KLHL22: variants seen among roughly 807,000 people sequenced by gnomAD.
KLHL22 encodes the protein kelch like family member 22.
In KLHL22, 18 loss-of-function variants were observed where a neutral mutation model predicts 60.7. The ratio of observed to expected loss-of-function variants is 0.30; its 90% CI spans 0.20 to 0.44. The LOEUF is 0.44. Ranked by LOEUF, KLHL22 falls within the 20% of genes least tolerant of loss-of-function variation. KLHL22 has a pLI of 1.00. For missense variants in KLHL22, 596 were observed against 852.3 expected (o/e 0.70, Z 3.74); for synonymous variants, 355 against 354.5 (o/e 1.00, Z -0.01).
At chr22:20,471,626 G>A (rs1420787477) in intron 2 of KLHL22, 111 bp from the exon 3 acceptor site, 1 of 1,146,362 alleles carries the variant, frequency 8.7e-7, no homozygotes, top group East Asian at 2.4e-5. Context: ...CAGGGCCCTG[G>A]TAGTGGGCTG....
chr22:20,466,689 T>G (rs1190398531), intron 3 of KLHL22, among the ~76,000 whole-genome samples: 1 of 152,184 alleles, frequency 6.6e-6, no homozygotes, highest in Non-Finnish European at 1.5e-5. Context: ...TGAGACAGGG[T>G]CTTGCTCTGT....
At chr22:20,456,234 C>T (rs2053060629) in intron 5 of KLHL22, 1 of 152,208 alleles carries the variant, frequency 6.6e-6, no homozygotes, top group African/African-American at 2.4e-5. Flanking sequence ...ATTGTAACCA[C>T]TTTACTGATC....
chr22:20,450,944 G>A (rs754441956), intron 5 of KLHL22: 489 of 1,609,938 alleles, frequency 3.0e-4, no homozygotes, highest in Admixed American at 7.3e-4. Flanking sequence ...ACAAGGGCTC[G>A]CCTAGGAGCC....
At chr22:20,483,389 G>A (rs961276917) in intron 2 of KLHL22, 3 of 808,360 alleles carry the variant, frequency 3.7e-6, no homozygotes, top group African/African-American at 3.4e-5. Flanking sequence ...TGAGATTTGG[G>A]GGCATCTACC....
chr22:20,442,464 C>T (rs771061278), intron 6 of KLHL22, 26 bp from the exon 7 acceptor site: 1 of 1,537,656 alleles, frequency 6.5e-7, no homozygotes, highest in Non-Finnish European at 8.8e-7. Context: ...TAGAATAAAG[C>T]CCAGCACCCA....
rs764677279 is a variant in KLHL22 at position 20,446,640 on chromosome 22, T to A, written c.1342A>T (p.Met448Leu). 1 of 1,613,074 alleles carries A rather than the reference T, an allele frequency of 6.2e-7. No individual in the cohort carries two copies. The highest frequency in any genetic ancestry group is 1.1e-5 in the South Asian group (1 of 91,088). ...CCTCTGCGGCCGCAGGTGATATACA[T>A]CTTCCCCTCCAGCGTCGCGCCTGCG... is the stretch of plus-strand genomic sequence containing the variant. Reference protein sequence around the residue: ...AHAGATLEGKMYITCGRRGED... With the variant: ...AHAGATLEGKLYITCGRRGED... The change falls in exon 6 of 7, where the codon ATG becomes TTG. Residue 448 changes from methionine (M) to leucine (L), a missense_variant. Physicochemically the swap from Met to Leu is conservative, Grantham distance 15 (BLOSUM62 2). Coordinates refer to ENST00000328879, the MANE Select transcript of KLHL22 (RefSeq NM_032775.4).
intron 5 of KLHL22, among the ~76,000 whole-genome samples, chr22:20,454,717 A>G (rs1004225985): frequency 3.3e-5 from 5 of 152,220 alleles, no homozygotes; most frequent in Admixed American, 2.0e-4. Context: ...CTGTATTAAT[A>G]TATGTATTAT....
At chr22:20,486,028 C>T (rs1198708557) in intron 2 of KLHL22, among the ~76,000 whole-genome samples, 6 of 143,806 alleles carry the variant, frequency 4.2e-5, no homozygotes, top group Non-Finnish European at 7.5e-5. Flanking sequence ...ATTAGCCGGG[C>T]GTGGTGGCGC....
chr22:20,490,215 AAT>A lies in KLHL22; in HGVS notation c.-33-973_-33-972del, dbSNP rs1298747842. 2.0e-5 allele frequency among the ~76,000 whole-genome samples: 3 copies of A among 152,254 alleles called. No individual in the cohort carries two copies. The South Asian group carries it at 6.2e-4, about 32-fold the overall frequency. On this transcript the variant is annotated intron_variant, in intron 1 of 6. Transcript: ENST00000328879. ...CTTCATCCTACTTTCCTCTCCCCAAAATATGTTTATTCTCCAATTACCTCCAG... is the reference window on the plus strand; with the variant it reads ...CTTCATCCTACTTTCCTCTCCCCAAAATGTTTATTCTCCAATTACCTCCAG...
chr22:20,448,931 A>T lies in KLHL22; in HGVS notation c.1306-2255T>A, dbSNP rs539134115. On this transcript the variant is annotated intron_variant, in intron 5 of 6. Transcript: ENST00000328879. ...GAGGTAGTTCTCTCACTGTGGCTTT[A>T]ATTTGCATTTCCCTGATAGCTAATA... Among the ~76,000 whole-genome samples, 18 of 152,220 alleles carry T rather than the reference A, an allele frequency of 1.2e-4. 1 individual carries two copies. The East Asian group carries it at 3.5e-3, about 29-fold the overall frequency.
chr22:20,459,106 AG>A (rs2053114146), intron 4 of KLHL22, among the ~76,000 whole-genome samples: 1 of 152,246 alleles, frequency 6.6e-6, no homozygotes, highest in South Asian at 2.1e-4. Flanking sequence ...GCTCAAAGCC[AG>A]TATCTGAAGT....
At position 20,471,458 on chromosome 22, in the gene KLHL22, AC is replaced by A; in HGVS notation, c.284del (p.Gly95ValfsTer23). 6.2e-7 allele frequency: 1 copy of A among 1,614,184 alleles called. No individual in the cohort carries two copies. The highest frequency in any genetic ancestry group is 8.5e-7 in the Non-Finnish European group (1 of 1,180,022). ...EMEQEEVLIH[G>X]VSYNAMCQIL... Reference sequence around the variant, plus strand: ...TTTGGCACATAGCATTGTAGGACACACCGTGGATCAGGACCTCTTCCTGTTC... The same window carrying A: ...TTTGGCACATAGCATTGTAGGACACACGTGGATCAGGACCTCTTCCTGTTC... On this transcript the variant is annotated frameshift_variant, in exon 3 of 7. Coordinates refer to ENST00000328879, the MANE Select transcript of KLHL22 (RefSeq NM_032775.4). LOFTEE classifies it high-confidence loss of function.
At chr22:20,476,576 G>T (rs1433884967) in intron 2 of KLHL22, among the ~76,000 whole-genome samples, 1 of 150,994 alleles carries the variant, frequency 6.6e-6, no homozygotes, top group Admixed American at 6.6e-5. Flanking sequence ...ACGTCGCCCG[G>T]CTAATTTTTT....
At chr22:20,464,798 A>G (rs1304709194) in intron 4 of KLHL22, 60 bp downstream of exon 4, 9 of 1,080,936 alleles carry the variant, frequency 8.3e-6, no homozygotes, top group East Asian at 4.8e-5. Context: ...CTCTCAGCCC[A>G]TGACTTCCAC....
At chr22:20,458,182 G>A (rs1182096105) in intron 4 of KLHL22, among the ~76,000 whole-genome samples, 182 bp from the exon 5 acceptor site, 4 of 151,880 alleles carry the variant, frequency 2.6e-5, no homozygotes, top group Non-Finnish European at 5.9e-5. Flanking sequence ...ACACACCTGA[G>A]CACAGGTGCT....
At chr22:20,445,385 T>G (rs1335749610) in intron 6 of KLHL22, among the ~76,000 whole-genome samples, 2 of 151,944 alleles carry the variant, frequency 1.3e-5, no homozygotes, top group Non-Finnish European at 2.9e-5. Context: ...TTTTTGTATT[T>G]TTAGTAGAGA....
intron 3 of KLHL22, among the ~76,000 whole-genome samples, chr22:20,467,168 C>T (rs2146224946): frequency 6.6e-6 from 1 of 152,344 alleles, no homozygotes; most frequent in Non-Finnish European, 1.5e-5. Flanking sequence ...CTCTGTGACC[C>T]AGACAGCTGC....
At chr22:20,460,195 C>A (rs568501399) in intron 4 of KLHL22, among the ~76,000 whole-genome samples, 1 of 152,340 alleles carries the variant, frequency 6.6e-6, no homozygotes, top group East Asian at 1.9e-4. Flanking sequence ...CATCTGCACC[C>A]CAAGTGTCTG....
intron 3 of KLHL22, among the ~76,000 whole-genome samples, chr22:20,466,688 G>T (rs1251059363): frequency 6.6e-6 from 1 of 152,162 alleles, no homozygotes; most frequent in Non-Finnish European, 1.5e-5. Context: ...TTGAGACAGG[G>T]TCTTGCTCTG....
Sources: allele counts gnomAD v4.1 joint callset (sites outside exome capture counted in the v4.1 genomes callset), GRCh38; gene constraint gnomAD v4.1.1; transcripts MANE v1.5; gene names NCBI Gene and HGNC (gene_info 2026-07-23, HGNC 2026-07-21).